The following CCDC88C variants were observed in gnomAD, a reference collection of about 807,000 sequenced individuals.
The protein encoded by CCDC88C is coiled-coil and HOOK domain protein 88C.
Under a neutral mutation model 198.8 loss-of-function variants are expected in CCDC88C, and 131 were observed. The ratio of observed to expected loss-of-function variants is 0.66; its 90% CI spans 0.57 to 0.76. The LOEUF is 0.76. CCDC88C is among the 30% of genes least tolerant of loss of function. CCDC88C has a pLI of 0.00. For missense variants in CCDC88C, 2,553 were observed against 2,631.6 expected, an observed-to-expected ratio of 0.97 and a Z score of 0.65; for synonymous variants, 1,166 against 1,114.7, an observed-to-expected ratio of 1.05 and a Z score of -0.92.
At chr14:91,409,334 C>A (rs537522134) in intron 2 of CCDC88C, among the ~76,000 whole-genome samples, 3 of 151,588 alleles carry the variant, frequency 2.0e-5, no homozygotes, top group Admixed American at 2.0e-4. Context: ...GACTACAGGC[C>A]CAGCTAATTT....
chr14:91,325,783 G>C lies in CCDC88C; in HGVS notation c.1197+127C>G. The stretch of plus-strand genomic sequence containing the variant: ...GAGATGGGGCCTCGCTAGGTTGCCA[G>C]GGTTAGAACTCCTGCGCTCAAGGGA... On this transcript the variant is annotated intron_variant, in intron 11 of 29. Coordinates refer to ENST00000389857, the MANE Select transcript of CCDC88C (RefSeq NM_001080414.4). This position sits in a 1 kb window ranked among gnomAD's most constrained non-coding sequence, Gnocchi z 4.1. 1 of 895,412 alleles carries C rather than the reference G, an allele frequency of 1.1e-6. No individual in the cohort carries two copies. Among genetic ancestry groups the C allele is most frequent in the Non-Finnish European group, 1.7e-6 (1 of 601,520 alleles). The allele number at this position is 895,412 out of a possible 1,614,324, so 55.5% of individuals were successfully genotyped here. A position where few individuals can be genotyped will look rare whatever the true frequency, so the allele number is the denominator to read the frequency against.
chr14:91,330,128 C>T (rs1892756184), intron 10 of CCDC88C, among the ~76,000 whole-genome samples: 1 of 152,160 alleles, frequency 6.6e-6, no homozygotes. Flanking sequence ...AGGCACAGAC[C>T]CTGTGTTCAA....
In CCDC88C at chr14:91,292,559, G is replaced by A. The variant is rs149839532; in HGVS notation, c.4113-1475C>T. On this transcript the variant is annotated intron_variant, in intron 23 of 29. Transcript: ENST00000389857. ...CAGCCCTAGACACGTAGGTGAAGCC[G>A]ACAGAATAACAAAGGAGCATCGTTA... Among the ~76,000 whole-genome samples the A allele has an allele frequency of 7.2e-4, 110 of 152,236 alleles. 1 individual carries two copies. Among genetic ancestry groups the A allele is most frequent in the African/African-American group, 2.5e-3 (102 of 41,532 alleles).
chr14:91,327,119 C>A (rs1007629985), intron 10 of CCDC88C, among the ~76,000 whole-genome samples: 3 of 152,308 alleles, frequency 2.0e-5, no homozygotes, highest in Middle Eastern at 3.4e-3. Flanking sequence ...CAAATGCCTT[C>A]GCAGGTTACA....
At position 91,289,130 on chromosome 14, in the gene CCDC88C, G is replaced by T; in HGVS notation, c.4416C>A (p.Asp1472Glu). 1 of 1,613,002 alleles carries T rather than the reference G, an allele frequency of 6.2e-7. No homozygotes were observed. Among genetic ancestry groups the T allele is most frequent in the East Asian group, 2.2e-5 (1 of 44,852 alleles). ...ALGSNCAEERDAHNGSVGKGP... is the reference protein window; with the variant it reads ...ALGSNCAEEREAHNGSVGKGP... ...CTTTCCCCACAGACCCGTTGTGGGCGTCGCGCTCTTCTGCACAGTTGGAGC... is the reference window on the plus strand; with the variant it reads ...CTTTCCCCACAGACCCGTTGTGGGCTTCGCGCTCTTCTGCACAGTTGGAGC... The change falls in exon 25 of 30, where the codon GAC becomes GAA. Residue 1472 changes from aspartate to glutamate, a missense_variant. By Grantham distance (45) the Asp-to-Glu change is conservative. Coordinates refer to ENST00000389857, the MANE Select transcript of CCDC88C (RefSeq NM_001080414.4).
chr14:91,396,530 C>T (rs200572080), intron 3 of CCDC88C, among the ~76,000 whole-genome samples: 1 of 152,152 alleles, frequency 6.6e-6, no homozygotes, highest in Non-Finnish European at 1.5e-5. Context: ...CGGAGCTGAA[C>T]GAGAGCTAAC....
intron 18 of CCDC88C, among the ~76,000 whole-genome samples, chr14:91,306,253 C>G (rs1891554417): frequency 6.6e-6 from 1 of 152,208 alleles, no homozygotes; most frequent in South Asian, 2.1e-4. Flanking sequence ...TTTCTGTGAG[C>G]TGGTTCCATC....
intron 23 of CCDC88C, among the ~76,000 whole-genome samples, chr14:91,293,318 A>G (rs370380059): frequency 9.8e-3 from 18 of 1,830 alleles, no homozygotes; most frequent in South Asian, 0.02. Flanking sequence ...CCACCTTCCC[A>G]TCCTCACCTG....
Position 91,371,682 on chromosome 14 carries a change from C to T in CCDC88C, c.271-11971G>A, listed in dbSNP as rs938801143. Among the ~76,000 whole-genome samples the T allele has an allele frequency of 2.0e-5, 3 of 152,178 alleles. No individual in the cohort carries two copies. Among genetic ancestry groups the T allele is most frequent in the African/African-American group, 4.8e-5 (2 of 41,432 alleles). ...AGCTCAGCAGAAGCAAGGCCTTCCTCGTCCCAGCAAGTAGCTGGGCTGGGG... is the reference window on the plus strand; with the variant it reads ...AGCTCAGCAGAAGCAAGGCCTTCCTTGTCCCAGCAAGTAGCTGGGCTGGGG... On this transcript the variant is annotated intron_variant, in intron 3 of 29. Coordinates refer to ENST00000389857, the MANE Select transcript of CCDC88C (RefSeq NM_001080414.4). The surrounding 1 kb of genome is among the most constrained non-coding windows in gnomAD (Gnocchi z 4.2).
Position 91,371,204 on chromosome 14 carries a change from T to C in CCDC88C, c.271-11493A>G, listed in dbSNP as rs973587732. Among the ~76,000 whole-genome samples the C allele has an allele frequency of 1.2e-4, 18 of 152,156 alleles. No individual in the cohort carries two copies. Among genetic ancestry groups the C allele is most frequent in the Non-Finnish European group, 1.6e-4 (11 of 67,978 alleles). ...TATAAGGGCCCTGATTTTATGGCCGTGAGGGATCGTATGACTGTGACTTCA... is the reference window on the plus strand; with the variant it reads ...TATAAGGGCCCTGATTTTATGGCCGCGAGGGATCGTATGACTGTGACTTCA... On this transcript the variant is annotated intron_variant, in intron 3 of 29. Transcript: ENST00000389857. The surrounding 1 kb of genome is among the most constrained non-coding windows in gnomAD (Gnocchi z 4.2).
intron 6 of CCDC88C, chr14:91,342,170 A>G (rs751473228): frequency 7.6e-6 from 3 of 395,342 alleles, no homozygotes; most frequent in Non-Finnish European, 1.4e-5. Context: ...TTTAATTTTT[A>G]TTTTTACCCT....
chr14:91,323,640 A>G (rs1463528588), intron 12 of CCDC88C, among the ~76,000 whole-genome samples: 1 of 152,252 alleles, frequency 6.6e-6, no homozygotes, highest in Non-Finnish European at 1.5e-5. Flanking sequence ...AACTTTAAAG[A>G]GCTCACACAT....
chr14:91,406,527 G>A (rs1472739347), intron 3 of CCDC88C, among the ~76,000 whole-genome samples: 2 of 152,178 alleles, frequency 1.3e-5, no homozygotes. Flanking sequence ...CTCCACTCAG[G>A]TATCACCTCC....
rs552470902 is a variant in CCDC88C at position 91,412,849 on chromosome 14, A to C, written c.161+3889T>G. Among the ~76,000 whole-genome samples the C allele has an allele frequency of 4.6e-5, 7 of 152,322 alleles. No homozygotes were observed. The South Asian group carries it at 1.2e-3, about 27-fold the overall frequency. On this transcript the variant is annotated intron_variant, in intron 2 of 29. Transcript: ENST00000389857. ...TGTTTTTTCCCAAGATTTTTGCGCC[A>C]ATACAAATTCATTCAACCAACAAGT...
At chr14:91,407,248 A>G (rs1402435647) in intron 3 of CCDC88C, among the ~76,000 whole-genome samples, 1 of 152,212 alleles carries the variant, frequency 6.6e-6, no homozygotes. Flanking sequence ...GCCACAGCAC[A>G]CATTCTGCCT....
chr14:91,356,653 A>G (rs1894050047), intron 4 of CCDC88C, among the ~76,000 whole-genome samples: 1 of 152,134 alleles, frequency 6.6e-6, no homozygotes, highest in Non-Finnish European at 1.5e-5. Context: ...TACACTTACA[A>G]TGGGTGTGTT....
chr14:91,295,110 C>G (rs1322918343), intron 22 of CCDC88C, among the ~76,000 whole-genome samples: 1 of 152,198 alleles, frequency 6.6e-6, no homozygotes, highest in South Asian at 2.1e-4. Flanking sequence ...AGCAAAATGC[C>G]TGGTACACCG....
intron 15 of CCDC88C, among the ~76,000 whole-genome samples, chr14:91,310,210 T>A (rs988586474): frequency 6.6e-6 from 1 of 151,824 alleles, no homozygotes; most frequent in Non-Finnish European, 1.5e-5. Context: ...GGTGGCTACA[T>A]GTCAGGATGG....
rs1884758296 is a variant in CCDC88C at position 91,381,013 on chromosome 14, T to A, written c.271-21302A>T. 6.6e-6 allele frequency among the ~76,000 whole-genome samples: 1 copy of A among 152,228 alleles called. No individual in the cohort carries two copies. Among genetic ancestry groups the A allele is most frequent in the Admixed American group, 6.5e-5 (1 of 15,288 alleles). ...GTAACTCTTCTAAGTGCCAAACTGA[T>A]GCCCCTTCCTGCAAGAAAAATGGAC... On this transcript the variant is annotated intron_variant, in intron 3 of 29. Transcript: ENST00000389857. This position sits in a 1 kb window ranked among gnomAD's most constrained non-coding sequence, Gnocchi z 4.2.
Sources: allele counts gnomAD v4.1 joint callset (sites outside exome capture counted in the v4.1 genomes callset), GRCh38; gene constraint gnomAD v4.1.1; non-coding constraint Gnocchi (gnomAD v3.1); transcripts MANE v1.5; gene names NCBI Gene and HGNC (gene_info 2026-07-23, HGNC 2026-07-21).